Variants in CFI observed in about 807,000 individuals in gnomAD.
CFI encodes C3B/C4B inactivator.
A neutral mutation model predicts 78.8 loss-of-function variants in CFI; 66 were observed. That is an observed-to-expected ratio of 0.84 (90% CI 0.69 to 1.03). The LOEUF (loss-of-function observed/expected upper bound fraction) is 1.03, where lower values mean the gene tolerates loss of function less well. Among genes scored for constraint, CFI ranks in the 50% least tolerant of loss-of-function variants. The pLI is 0.00. For missense variants in CFI, 706 were observed against 704.5 expected (o/e 1.00, Z -0.02); for synonymous variants, 250 against 232.6 (o/e 1.07, Z -0.68).
At chr4:109,784,614 A>G (rs1039839188) in intron 1 of CFI, among the ~76,000 whole-genome samples, 4 of 152,276 alleles carry the variant, frequency 2.6e-5, no homozygotes, top group Admixed American at 6.5e-5. Flanking sequence ...CACTTCTAGC[A>G]TCAGTAGAAG....
intron 4 of CFI, among the ~76,000 whole-genome samples, chr4:109,760,996 C>T (rs1158558252): frequency 6.6e-6 from 1 of 152,078 alleles, no homozygotes; most frequent in Non-Finnish European, 1.5e-5. Context: ...TTGGTTAGTG[C>T]CATTTGTTTA....
chr4:109,787,523 G>T (rs904832590), intron 1 of CFI, among the ~76,000 whole-genome samples: 7 of 151,918 alleles, frequency 4.6e-5, no homozygotes, highest in African/African-American at 1.2e-4. Flanking sequence ...AAAAAATAGG[G>T]AGAGAATGTT....
intron 4 of CFI, among the ~76,000 whole-genome samples, chr4:109,761,269 A>T (rs1471176018): frequency 3.9e-5 from 6 of 152,188 alleles, no homozygotes; most frequent in African/African-American, 1.4e-4. Context: ...CAGATGTTCA[A>T]ATGAAGCAAG....
Position 109,752,729 on chromosome 4 carries a change from CTA to C in CFI, c.905-228_905-227del, listed in dbSNP as rs34799143. On this transcript the variant is annotated intron_variant, in intron 7 of 12. Transcript: ENST00000394634. ...GTATAGAAATTCTTGCTGGCACAAA[CTA>C]GAGATATCTGTTGGTACTAGTGAAT... Among the ~76,000 whole-genome samples the C allele has an allele frequency of 0.016, 2,371 of 150,506 alleles. 60 individuals carry two copies. Among genetic ancestry groups the C allele is most frequent in the African/African-American group, 0.055 (2,263 of 40,946 alleles).
chr4:109,772,102 C>T (rs542452420), intron 1 of CFI, among the ~76,000 whole-genome samples: 2 of 152,310 alleles, frequency 1.3e-5, no homozygotes. Context: ...AAGGATAACA[C>T]GAACACAGTG....
intron 1 of CFI, among the ~76,000 whole-genome samples, chr4:109,780,590 G>A (rs899745454): frequency 1.3e-5 from 2 of 152,276 alleles, no homozygotes; most frequent in African/African-American, 2.4e-5. Flanking sequence ...ACAGTGTGGC[G>A]ATTCCTCACA....
intron 1 of CFI, among the ~76,000 whole-genome samples, chr4:109,800,640 CAG>C: frequency 6.6e-6 from 1 of 152,094 alleles, no homozygotes; most frequent in East Asian, 1.9e-4. Flanking sequence ...AAACCGAAAA[CAG>C]AAAATAGAAT....
chr4:109,760,164 G>C (rs1214142567), intron 6 of CFI, 106 bp downstream of exon 6: 1 of 783,700 alleles, frequency 1.3e-6, no homozygotes, highest in African/African-American at 1.7e-5. Flanking sequence ...TGTTCTTACT[G>C]CTACACCCAT....
At chr4:109,777,355 T>C (rs979965850) in intron 1 of CFI, among the ~76,000 whole-genome samples, 1 of 152,136 alleles carries the variant, frequency 6.6e-6, no homozygotes, top group Non-Finnish European at 1.5e-5. Flanking sequence ...AAACAGACTT[T>C]AAACCAACAA....
intron 12 of CFI, among the ~76,000 whole-genome samples, chr4:109,741,606 C>G (rs1333322699): frequency 6.6e-6 from 1 of 152,224 alleles, no homozygotes; most frequent in Admixed American, 6.5e-5. Flanking sequence ...TGAACCCAGG[C>G]AACCACACCT....
Position 109,766,542 on chromosome 4 carries a change from G to A in CFI, c.328+12C>T. 1.2e-6 allele frequency: 2 copies of A among 1,613,908 alleles called. No homozygotes were observed. The highest frequency in any genetic ancestry group is 1.7e-6 in the Non-Finnish European group (2 of 1,179,808). On this transcript the variant is annotated intron_variant, in intron 2 of 12. Coordinates refer to ENST00000394634, the MANE Select transcript of CFI (RefSeq NM_000204.5). ...ATATCATAGAATGACTTGAAAACTA[G>A]TCTCTTGCTACCTTCGGCTGTGCAT...
chr4:109,737,771 G>A (rs1371406309), downstream of CFI, among the ~76,000 whole-genome samples: 6 of 152,212 alleles, frequency 3.9e-5, no homozygotes, highest in Admixed American at 3.9e-4. Flanking sequence ...TGGAAATTCT[G>A]TGAACTGCAT....
downstream of CFI, among the ~76,000 whole-genome samples, chr4:109,735,965 C>T (rs1044278866): frequency 1.3e-5 from 2 of 152,158 alleles, no homozygotes; most frequent in Non-Finnish European, 2.9e-5. Context: ...TGCTGTGCAA[C>T]CCAGATGTCA....
chr4:109,771,551 A>C (rs1176562230), intron 1 of CFI, among the ~76,000 whole-genome samples: 10 of 112,052 alleles, frequency 8.9e-5, no homozygotes, highest in Non-Finnish European at 1.1e-4. Flanking sequence ...CTAAAAATAC[A>C]AAAAAAAAAA....
At chr4:109,738,800 C>T (rs181660350), downstream of CFI, among the ~76,000 whole-genome samples, 34 of 152,308 alleles carry the variant, frequency 2.2e-4, no homozygotes, top group African/African-American at 7.9e-4. Context: ...GTGAATAAGC[C>T]TTCGTGATAA....
rs374854207 is a variant in CFI, at chr4:109,757,847, C to T, written c.884-64G>A. On this transcript the variant is annotated intron_variant, in intron 6 of 12. Transcript: ENST00000394634. ...TTTTTGGAAAAAATGCACACTATAG[C>T]AATATACTATACATATATCATGAAA... 43 of 1,301,648 alleles carry T rather than the reference C, an allele frequency of 3.3e-5. No individual in the cohort carries two copies. The East Asian group carries it at 4.2e-4, about 13-fold the overall frequency. 80.6% of individuals were successfully genotyped at this position (1,301,648 alleles called of 1,614,324 possible).
intron 2 of CFI, among the ~76,000 whole-genome samples, chr4:109,765,618 C>A (rs984873034): frequency 3.9e-5 from 6 of 152,170 alleles, no homozygotes; most frequent in Non-Finnish European, 7.3e-5. Context: ...ATCATAACTA[C>A]CCACTAGTCT....
At chr4:109,736,571 T>C (rs1440745949), downstream of CFI, among the ~76,000 whole-genome samples, 5 of 152,140 alleles carry the variant, frequency 3.3e-5, no homozygotes, top group Non-Finnish European at 7.3e-5. Flanking sequence ...TTGAAGACAA[T>C]GATCCTCTGC....
intron 8 of CFI, among the ~76,000 whole-genome samples, chr4:109,751,021 G>A (rs1725067614): frequency 6.6e-6 from 1 of 152,170 alleles, no homozygotes; most frequent in South Asian, 2.1e-4. Flanking sequence ...TCTGAGTCGG[G>A]AGAGAACTAG....
Sources: gnomAD v4.1 joint callset for allele counts (sites outside exome capture counted in the v4.1 genomes callset) on GRCh38, gnomAD v4.1.1 for gene constraint, MANE v1.5 for transcripts, NCBI Gene and HGNC (gene_info 2026-07-23, HGNC 2026-07-21) for gene names.